Variants in WIPI1 observed in about 807,000 individuals in gnomAD.
The protein encoded by WIPI1 is WD repeat domain, phosphoinositide interacting 1.
A neutral mutation model predicts 55.3 loss-of-function variants in WIPI1; 45 were observed. The ratio of observed to expected loss-of-function variants is 0.81; its 90% CI spans 0.64 to 1.04. The LOEUF (loss-of-function observed/expected upper bound fraction) is 1.04, where lower values mean the gene tolerates loss of function less well. Among genes scored for constraint, WIPI1 ranks in the 50% least tolerant of loss-of-function variants. The probability of loss-of-function intolerance (pLI) is 0.00; values close to 1 mark genes in which losing one functional copy is unlikely to be tolerated. For missense variants in WIPI1, 445 were observed against 559.0 expected, an observed-to-expected ratio of 0.80 and a Z score of 2.06; for synonymous variants, 195 against 217.6, an observed-to-expected ratio of 0.90 and a Z score of 0.92.
At chr17:68,453,120 C>T in intron 1 of WIPI1, 128 bp from the exon 2 acceptor site, 1 of 644,494 alleles carries the variant, frequency 1.6e-6, no homozygotes, top group South Asian at 1.9e-5. Flanking sequence ...AGCTTAGATC[C>T]TTGGTAACTT....
intron 5 of WIPI1, among the ~76,000 whole-genome samples, 196 bp from the exon 6 acceptor site, chr17:68,435,908 AT>A (rs1233648215): frequency 5.0e-4 from 76 of 152,230 alleles, no homozygotes; most frequent in Admixed American, 5.0e-3. Context: ...GGGCCACTCC[AT>A]TTCCATCCCT....
At chr17:68,452,576 G>C (rs60921456) in intron 2 of WIPI1, among the ~76,000 whole-genome samples, 1,720 of 152,108 alleles carry the variant, frequency 0.011, 29 homozygotes, top group African/African-American at 0.039. Context: ...AAAAAAGAAA[G>C]AAAGAAAATG....
intron 11 of WIPI1, 92 bp from the exon 12 acceptor site, chr17:68,426,267 G>T: frequency 1.1e-6 from 1 of 922,696 alleles, no homozygotes; most frequent in Non-Finnish European, 1.7e-6. Context: ...CAAATAAAGG[G>T]CAAAGGAAGC....
chr17:68,426,237 G>C, intron 11 of WIPI1, 62 bp from the exon 12 acceptor site: 3 of 1,228,310 alleles, frequency 2.4e-6, no homozygotes, highest in Non-Finnish European at 3.5e-6. Flanking sequence ...CCATGACCTG[G>C]CGGGTGGGGA....
intron 2 of WIPI1, among the ~76,000 whole-genome samples, chr17:68,451,835 C>T (rs376417808): frequency 5.3e-5 from 8 of 152,308 alleles, no homozygotes; most frequent in African/African-American, 1.9e-4. Flanking sequence ...TAGTTAATGA[C>T]CCTCCTGAGC....
intron 1 of WIPI1, among the ~76,000 whole-genome samples, chr17:68,456,269 A>G (rs922267370): frequency 1.3e-5 from 2 of 152,270 alleles, no homozygotes; most frequent in Admixed American, 6.5e-5. Flanking sequence ...GTGTTTTTAA[A>G]CAGAAACATA....
At chr17:68,456,989 ACTGT>A (rs1439123552) in intron 1 of WIPI1, among the ~76,000 whole-genome samples, 2 of 152,082 alleles carry the variant, frequency 1.3e-5, no homozygotes, top group Non-Finnish European at 2.9e-5. Flanking sequence ...TCTTTTGGCC[ACTGT>A]CTCTCTTCCC....
intron 4 of WIPI1, among the ~76,000 whole-genome samples, chr17:68,437,012 A>ATGTG (rs1568637117): frequency 9.3e-4 from 76 of 82,070 alleles, no homozygotes; most frequent in African/African-American, 3.5e-3. Flanking sequence ...AAAAATATAT[A>ATGTG]TATATGTGTG....
intron 10 of WIPI1, chr17:68,427,548 G>A: frequency 4.5e-6 from 1 of 223,946 alleles, no homozygotes; most frequent in Non-Finnish European, 9.0e-6. Flanking sequence ...GTAGAGACTG[G>A]GTTTCACCAT....
At chr17:68,426,251 G>GGGGGGGGGGGGGGGGA in intron 11 of WIPI1, 76 bp from the exon 12 acceptor site, 1 of 825,460 alleles carries the variant, frequency 1.2e-6, no homozygotes, top group Non-Finnish European at 1.9e-6. Context: ...GTGGGGAGCG[G>GGGGGGGGGGGGGGGGA]GGGCTCAAAT....
At chr17:68,449,112 T>A (rs2084396906) in intron 3 of WIPI1, among the ~76,000 whole-genome samples, 1 of 152,112 alleles carries the variant, frequency 6.6e-6, no homozygotes, top group South Asian at 2.1e-4. Context: ...TACTTAAGAG[T>A]TTAGACAAAG....
chr17:68,437,016 A>ATATATATATG (rs749622772), intron 4 of WIPI1, among the ~76,000 whole-genome samples: 18 of 144,578 alleles, frequency 1.2e-4, no homozygotes, highest in Non-Finnish European at 2.0e-4. Flanking sequence ...ATATATATAT[A>ATATATATATG]TGTGTGTGTG....
intron 9 of WIPI1, 67 bp from the exon 10 acceptor site, chr17:68,429,003 C>T (rs2083386100): frequency 1.7e-6 from 2 of 1,202,678 alleles, no homozygotes; most frequent in Non-Finnish European, 2.4e-6. Flanking sequence ...CTTCCAATGA[C>T]AAAGCCCCCC....
At chr17:68,453,619 C>T (rs1011940589) in intron 1 of WIPI1, among the ~76,000 whole-genome samples, 11 of 152,016 alleles carry the variant, frequency 7.2e-5, no homozygotes, top group East Asian at 3.9e-4. Flanking sequence ...GTGAGGATTA[C>T]AGGCATGCAC....
At chr17:68,444,248 T>C (rs1174538312) in intron 4 of WIPI1, among the ~76,000 whole-genome samples, 2 of 152,330 alleles carry the variant, frequency 1.3e-5, no homozygotes, top group South Asian at 2.1e-4. Context: ...TTTGCTGATA[T>C]GGGTCCCAGA....
chr17:68,425,615 G>A (rs368359901), intron 12 of WIPI1, among the ~76,000 whole-genome samples: 6 of 152,256 alleles, frequency 3.9e-5, no homozygotes, highest in Admixed American at 2.0e-4. Context: ...TTCACAGAGT[G>A]CAGCAACTCA....
Position 68,433,343 on chromosome 17 carries a change from G to A in WIPI1, c.800+125C>T, listed in dbSNP as rs150083611. On this transcript the variant is annotated intron_variant, in intron 8 of 12. Transcript: ENST00000262139. ...TTGCTAACACACACTCCATCACTTA[G>A]GTGAAGTCCCAAGTGAAGCCAAGAT... 39 of 922,844 alleles carry A rather than the reference G, an allele frequency of 4.2e-5. No individual in the cohort carries two copies. In the East Asian group the frequency reaches 9.9e-4, roughly 23 times the overall value. The allele number at this position is 922,844 out of a possible 1,614,324, so 57.2% of individuals were successfully genotyped here.
intron 1 of WIPI1, among the ~76,000 whole-genome samples, chr17:68,455,449 G>A (rs185858230): frequency 3.3e-4 from 50 of 151,682 alleles, no homozygotes; most frequent in African/African-American, 1.2e-3. Flanking sequence ...AGGGTTTGCT[G>A]TTTTCACCTA....
intron 2 of WIPI1, among the ~76,000 whole-genome samples, chr17:68,451,334 T>C (rs2147991981): frequency 6.6e-6 from 1 of 152,266 alleles, no homozygotes; most frequent in Non-Finnish European, 1.5e-5. Flanking sequence ...CTCGGGAGGC[T>C]GAGGCATGAG....
Sources: allele counts gnomAD v4.1 joint callset (sites outside exome capture counted in the v4.1 genomes callset), GRCh38; gene constraint gnomAD v4.1.1; transcripts MANE v1.5; gene names NCBI Gene and HGNC (gene_info 2026-07-23, HGNC 2026-07-21).